PKIB: variants seen among roughly 807,000 people sequenced by gnomAD.
PKIB encodes the protein PKI-beta.
PKIB carries 2 observed loss-of-function variants against 4.5 expected under a neutral mutation model. The observed-to-expected ratio is 0.44, with a 90% CI of 0.18 to 1.39. The LOEUF is 1.39. Ranked by LOEUF, PKIB falls within the 40% of genes most tolerant of loss-of-function variation. The pLI is 0.27. For synonymous variants in PKIB, 38 were observed against 36.0 expected (o/e 1.06, Z -0.20); for missense variants, 94 against 92.6 (o/e 1.02, Z -0.06).
At chr6:122,607,472 T>G (rs533609151), upstream of PKIB, among the ~76,000 whole-genome samples, 17 of 152,136 alleles carry the variant, frequency 1.1e-4, no homozygotes, top group African/African-American at 3.6e-4. Flanking sequence ...GAGCCGAGAT[T>G]GGGCCACTGC....
At chr6:122,631,664 A>T (rs1002534554) in intron 1 of PKIB, among the ~76,000 whole-genome samples, 2 of 152,190 alleles carry the variant, frequency 1.3e-5, no homozygotes, top group African/African-American at 4.8e-5. Flanking sequence ...TTGATGAACA[A>T]AGGTCTGTCA....
Position 122,613,760 on chromosome 6 carries a change from TAGAG to T in PKIB, c.-161+3227_-161+3230del, listed in dbSNP as rs1774863861. Among the ~76,000 whole-genome samples the T allele has an allele frequency of 2.4e-4, 37 of 151,756 alleles. No homozygotes were observed. The South Asian group carries it at 7.7e-3, about 32-fold the overall frequency. On this transcript the variant is annotated intron_variant, in intron 1 of 4. Coordinates refer to ENST00000368452, the MANE Select transcript of PKIB (RefSeq NM_181795.3). ...GTGGGCGGATCACAAGGTCAAGAGG[TAGAG>T]ACCATCCTAGCCAACATGGTGAAAC...
intron 3 of PKIB, among the ~76,000 whole-genome samples, chr6:122,596,234 C>T (rs756756345): frequency 4.6e-5 from 7 of 152,298 alleles, no homozygotes; most frequent in East Asian, 1.9e-4. Flanking sequence ...TGTCCACTTA[C>T]GGGTGGTGCC....
At chr6:122,531,373 A>T (rs571374157) in intron 2 of PKIB, 1 of 152,302 alleles carries the variant, frequency 6.6e-6, no homozygotes, top group African/African-American at 2.4e-5. Flanking sequence ...TAACAGAAAG[A>T]GGGCATTAAC....
At chr6:122,523,785 GAA>G (rs764182434) in intron 2 of PKIB, among the ~76,000 whole-genome samples, 1 of 138,912 alleles carries the variant, frequency 7.2e-6, no homozygotes, top group Non-Finnish European at 1.6e-5. Context: ...TCGGTATCAA[GAA>G]AAAAAAAAAA....
chr6:122,596,895 G>A (rs1293646876), intron 3 of PKIB, among the ~76,000 whole-genome samples: 7 of 152,138 alleles, frequency 4.6e-5, no homozygotes, highest in Admixed American at 1.3e-4. Flanking sequence ...GCAGCCTTTC[G>A]GGTCACTTGA....
chr6:122,528,331 T>C lies in PKIB; in HGVS notation c.-248+50392T>C, dbSNP rs117211711. Among the ~76,000 whole-genome samples, 8 of 152,328 alleles carry C rather than the reference T, an allele frequency of 5.3e-5. No individual in the cohort carries two copies. In the East Asian group the frequency reaches 1.5e-3, roughly 29 times the overall value. On this transcript the variant is annotated intron_variant, in intron 2 of 6. Coordinates refer to the PKIB transcript ENST00000392491. ...AGCAGATAGCTGGGTCCTATGTTTT[T>C]TATCCATTCAGTCAATCTCTGTTCT... is the stretch of plus-strand genomic sequence containing the variant.
intron 2 of PKIB, among the ~76,000 whole-genome samples, chr6:122,490,644 T>C (rs1333868532): frequency 6.6e-6 from 1 of 152,146 alleles, no homozygotes; most frequent in Non-Finnish European, 1.5e-5. Context: ...TTGGCTACCC[T>C]TTGTCTTCCA....
At chr6:122,484,412 A>G (rs1238135831) in intron 2 of PKIB, among the ~76,000 whole-genome samples, 2 of 152,186 alleles carry the variant, frequency 1.3e-5, no homozygotes, top group African/African-American at 4.8e-5. Flanking sequence ...ACTGAGAATC[A>G]TTTTCGTCAA....
At chr6:122,594,654 G>A (rs1026456791) in intron 3 of PKIB, among the ~76,000 whole-genome samples, 1 of 152,156 alleles carries the variant, frequency 6.6e-6, no homozygotes, top group African/African-American at 2.4e-5. Context: ...TACCCATTCT[G>A]TATTCCCTTT....
At chr6:122,498,897 T>C (rs1370911671) in intron 2 of PKIB, among the ~76,000 whole-genome samples, 3 of 152,096 alleles carry the variant, frequency 2.0e-5, no homozygotes, top group Non-Finnish European at 2.9e-5. Flanking sequence ...ACTGATCTTA[T>C]GGAAATACAA....
At chr6:122,480,077 C>G (rs1775566095) in intron 2 of PKIB, 3 of 150,876 alleles carry the variant, frequency 2.0e-5, no homozygotes, top group African/African-American at 4.9e-5. Context: ...GAGTCTCGCT[C>G]TGTCACCCAG....
chr6:122,481,446 G>A (rs1268954343), intron 2 of PKIB: 1 of 152,148 alleles, frequency 6.6e-6, no homozygotes. Context: ...AATAATTACT[G>A]TTACTGCTGT....
In PKIB at chr6:122,703,791, C is replaced by CATATATGT. The variant is rs926110029; in HGVS notation, c.-8-13978_-8-13971dup. Among the ~76,000 whole-genome samples the CATATATGT allele has an allele frequency of 1.3e-4, 20 of 149,618 alleles. No individual in the cohort carries two copies. The East Asian group carries it at 1.6e-3, about 12-fold the overall frequency. ...ATATACATACACACACATATATATA[C>CATATATGT]ATATATGTATATATGTATATATGTA... On this transcript the variant is annotated intron_variant, in intron 3 of 4. Transcript: ENST00000368452.
intron 2 of PKIB, among the ~76,000 whole-genome samples, chr6:122,553,043 A>G (rs1772726567): frequency 6.6e-6 from 1 of 151,886 alleles, no homozygotes; most frequent in South Asian, 2.1e-4. Context: ...GTAATTCTTT[A>G]TTATAAACTC....
In PKIB at chr6:122,512,913, A is replaced by C. The variant is rs1242005949; in HGVS notation, c.-248+34974A>C. Among the ~76,000 whole-genome samples the C allele has an allele frequency of 3.9e-5, 6 of 152,330 alleles. No individual in the cohort carries two copies. The South Asian group carries it at 1.2e-3, about 32-fold the overall frequency. On this transcript the variant is annotated intron_variant, in intron 2 of 6. Coordinates refer to the PKIB transcript ENST00000392491. ...TTTTTAATGTTTATAATTCTAAAATATATATCTCCCTTTCATAGTTTTCTC... is the reference window on the plus strand; with the variant it reads ...TTTTTAATGTTTATAATTCTAAAATCTATATCTCCCTTTCATAGTTTTCTC...
intron 3 of PKIB, among the ~76,000 whole-genome samples, chr6:122,685,814 C>T (rs569025217): frequency 3.3e-5 from 5 of 152,252 alleles, no homozygotes; most frequent in African/African-American, 1.2e-4. Flanking sequence ...CCATGATCCC[C>T]TTCCCAGCCT....
chr6:122,576,710 A>ATTTTTT lies in PKIB; in HGVS notation c.-247-9207_-247-9206insTTTTTT, dbSNP rs761840714. Among the ~76,000 whole-genome samples, 41 of 109,964 alleles carry ATTTTTT rather than the reference A, an allele frequency of 3.7e-4. No homozygotes were observed. In the South Asian group the frequency reaches 5.2e-3, roughly 14 times the overall value. The allele number at this position is 109,964 out of a possible 152,430, so 72.1% of individuals were successfully genotyped here. ...AAAAAATATATATATATATATATATATTTTCTTTTGTATAATTATACCTCA... is the reference window on the plus strand; with the variant it reads ...AAAAAATATATATATATATATATATATTTTTTTTTTCTTTTGTATAATTATACCTCA... On this transcript the variant is annotated intron_variant, in intron 2 of 6. Transcript: ENST00000392491.
At chr6:122,605,391 A>AAATG (rs1220105325), upstream of PKIB, among the ~76,000 whole-genome samples, 10 of 152,356 alleles carry the variant, frequency 6.6e-5, no homozygotes, top group East Asian at 1.9e-3. Context: ...TGTCTCTGGC[A>AAATG]GCTACTTGAA....
Sources: gnomAD v4.1 joint callset for allele counts (sites outside exome capture counted in the v4.1 genomes callset) on GRCh38, gnomAD v4.1.1 for gene constraint, MANE v1.5 for transcripts, NCBI Gene and HGNC (gene_info 2026-07-23, HGNC 2026-07-21) for gene names.